The following MAGI1 variants were observed in gnomAD, a reference collection of about 807,000 sequenced individuals.
The protein encoded by MAGI1 is membrane associated guanylate kinase, WW and PDZ domain containing 1.
MAGI1 carries 58 observed loss-of-function variants against 139.9 expected under a neutral mutation model. The ratio of observed to expected loss-of-function variants is 0.41; its 90% CI spans 0.34 to 0.52. The LOEUF (loss-of-function observed/expected upper bound fraction) is 0.52, where lower values mean the gene tolerates loss of function less well. Ranked by LOEUF, MAGI1 falls within the 20% of genes least tolerant of loss-of-function variation. MAGI1 has a pLI of 0.12. For missense variants in MAGI1, 1,874 were observed against 1,901.6 expected (o/e 0.99, Z 0.27); for synonymous variants, 812 against 737.9 (o/e 1.10, Z -1.63).
chr3:65,873,356 C>T (rs1242283663), intron 1 of MAGI1: 3 of 152,256 alleles, frequency 2.0e-5, no homozygotes, highest in Admixed American at 1.3e-4. Flanking sequence ...TCGTCCACAG[C>T]TGAGCTGCTT....
chr3:65,727,105 A>G (rs555949146), intron 1 of MAGI1, among the ~76,000 whole-genome samples: 1 of 152,338 alleles, frequency 6.6e-6, no homozygotes, highest in Non-Finnish European at 1.5e-5. Context: ...CTGTGGCCAA[A>G]TATGTGTAGG....
intron 2 of MAGI1, among the ~76,000 whole-genome samples, chr3:65,611,460 C>T (rs2083105941): frequency 6.9e-6 from 1 of 144,228 alleles, no homozygotes; most frequent in Non-Finnish European, 1.5e-5. Context: ...ACTGTTTATA[C>T]TGTATATATA....
chr3:65,552,386 A>G (rs1487141392), intron 2 of MAGI1, among the ~76,000 whole-genome samples: 8 of 152,208 alleles, frequency 5.3e-5, no homozygotes, highest in Non-Finnish European at 1.0e-4. Flanking sequence ...ACAGTGATTT[A>G]GAGAAAAAAG....
intron 3 of MAGI1, among the ~76,000 whole-genome samples, chr3:65,493,017 A>G (rs901902891): frequency 8.6e-5 from 13 of 150,898 alleles, no homozygotes; most frequent in South Asian, 2.1e-4. Flanking sequence ...GGCAGAGCTT[A>G]CAGTGAGCCA....
chr3:65,915,741 G>A (rs1158822725), intron 1 of MAGI1, among the ~76,000 whole-genome samples: 2 of 151,812 alleles, frequency 1.3e-5, no homozygotes, highest in Non-Finnish European at 2.9e-5. Context: ...CTCTTTGCTT[G>A]GTAAAATGAT....
At position 65,356,983 on chromosome 3, in the gene MAGI1, G is replaced by A. The variant is rs2106675588; in HGVS notation, c.3784C>T (p.His1262Tyr). 1 of 1,614,188 alleles carries A rather than the reference G, an allele frequency of 6.2e-7. No homozygotes were observed. Among genetic ancestry groups the A allele is most frequent in the Non-Finnish European group, 8.5e-7 (1 of 1,180,034 alleles). Reference sequence around the variant, plus strand: ...CTGCTGCCTTTCGGATCCCTTGCGTGTGCCCGCTTTTCCCCATGTGGTGAT... The same window carrying A: ...CTGCTGCCTTTCGGATCCCTTGCGTATGCCCGCTTTTCCCCATGTGGTGAT... ...KSSPHGEKRA[H>Y]ARDPKGSREY... The change falls in exon 23 of 23, where the codon CAC (histidine) becomes TAC (tyrosine). Residue 1262 changes from histidine (H) to tyrosine (Y), a missense_variant. Around this residue, in one of 5 missense-constraint regions of MAGI1, gnomAD observed 653 missense variants for 644.5 expected, o/e 1.01. Transcript: ENST00000402939.
chr3:65,578,071 C>T (rs960962554), intron 2 of MAGI1, among the ~76,000 whole-genome samples: 4 of 152,320 alleles, frequency 2.6e-5, no homozygotes, highest in East Asian at 3.9e-4. Context: ...GAGCGACTGA[C>T]GGGTTCTGCC....
intron 1 of MAGI1, among the ~76,000 whole-genome samples, chr3:65,683,133 C>A (rs1174865865): frequency 6.6e-6 from 1 of 152,116 alleles, no homozygotes; most frequent in African/African-American, 2.4e-5. Context: ...AGCTGTGCAG[C>A]CCAGTTCCTA....
chr3:65,388,941 C>G (rs1186244706), intron 14 of MAGI1, among the ~76,000 whole-genome samples: 3 of 139,732 alleles, frequency 2.1e-5, no homozygotes, highest in African/African-American at 8.0e-5. Context: ...CTCCCAGGTT[C>G]CAGTGATGCC....
chr3:65,458,719 C>G (rs1402762779), intron 5 of MAGI1, among the ~76,000 whole-genome samples: 1 of 152,106 alleles, frequency 6.6e-6, no homozygotes, highest in African/African-American at 2.4e-5. Context: ...AATCCCTTGT[C>G]AGATGGACAG....
chr3:65,711,941 A>G (rs1576839834), intron 1 of MAGI1, among the ~76,000 whole-genome samples: 1 of 152,268 alleles, frequency 6.6e-6, no homozygotes, highest in African/African-American at 2.4e-5. Flanking sequence ...TATCTCCTTC[A>G]GAACCCTTAC....
At position 65,963,313 on chromosome 3, in the gene MAGI1, T is replaced by TA. The variant is rs760893715; in HGVS notation, c.313+74682dup. Among the ~76,000 whole-genome samples the TA allele has an allele frequency of 6.3e-3, 657 of 104,184 alleles. 18 individuals carry two copies. Among genetic ancestry groups the TA allele is most frequent in the African/African-American group, 0.011 (237 of 22,188 alleles). The allele number at this position is 104,184 out of a possible 152,430, so 68.3% of individuals were successfully genotyped here. ...GTCAACAGAGCGAGACTCTGTCTCT[T>TA]AAAAAAAAAAAAAAAGTAGCTCGGC... On this transcript the variant is annotated intron_variant, in intron 1 of 22. Transcript: ENST00000402939.
At chr3:65,799,199 T>C (rs1237683639) in intron 1 of MAGI1, among the ~76,000 whole-genome samples, 1 of 152,228 alleles carries the variant, frequency 6.6e-6, no homozygotes, top group Non-Finnish European at 1.5e-5. Context: ...AAATTCGTGC[T>C]ACTTTTCTGT....
chr3:65,356,948 G>C lies in MAGI1; in HGVS notation c.3819C>G (p.Ser1273Arg). Residue 1273 changes from serine (S) to arginine (R), a missense_variant, in exon 23 of 23, where the codon AGC becomes AGG. Ser to Arg is a moderately radical substitution (Grantham distance 110). Around this residue, in one of 5 missense-constraint regions of MAGI1, gnomAD observed 653 missense variants for 644.5 expected, o/e 1.01. Transcript: ENST00000402939. ...AGGTGTGGTGTTCATTGGGTTGTCT[G>C]CTATACTCTCTGCTGCCTTTCGGAT... ...ARDPKGSREY[S>R]RQPNEHHTWN... The C allele has an allele frequency of 6.2e-7, 1 of 1,614,184 alleles. No homozygotes were observed. Among genetic ancestry groups the C allele is most frequent in the African/African-American group, 1.3e-5 (1 of 75,054 alleles).
chr3:65,381,927 G>A lies in MAGI1; in HGVS notation c.2651C>T (p.Ala884Val). 1 of 1,614,060 alleles carries A rather than the reference G, an allele frequency of 6.2e-7. No individual in the cohort carries two copies. The highest frequency in any genetic ancestry group is 8.5e-7 in the Non-Finnish European group (1 of 1,180,012). The change falls in exon 16 of 23, where the codon GCC (alanine) becomes GTC (valine). Residue 884 changes from alanine to valine, a missense_variant. Ala to Val is a moderately conservative substitution (Grantham distance 64). Transcript: ENST00000402939. ...CGTGAGATTGACGTGGCCTTGCTTG[G>A]CAGCTTGTTGCATAAGCTGGACCAC... ...QLVVQLMQQA[A>V]KQGHVNLTVR...
intron 1 of MAGI1, among the ~76,000 whole-genome samples, chr3:65,652,118 G>A (rs533181286): frequency 2.6e-5 from 4 of 151,992 alleles, no homozygotes; most frequent in Admixed American, 2.0e-4. Flanking sequence ...TTTTATTATC[G>A]TGTCTAGACT....
chr3:66,020,266 A>G (rs188279601), intron 1 of MAGI1, among the ~76,000 whole-genome samples: 114 of 152,252 alleles, frequency 7.5e-4, no homozygotes, highest in Middle Eastern at 6.8e-3. Flanking sequence ...GTGAAACTCC[A>G]TCTCTATTAA....
chr3:65,390,134 A>T (rs903464485), intron 14 of MAGI1, among the ~76,000 whole-genome samples: 38 of 152,112 alleles, frequency 2.5e-4, no homozygotes, highest in African/African-American at 8.5e-4. Context: ...CACACCTCAC[A>T]CAACCTCTCT....
chr3:65,999,430 A>G (rs554083959), intron 1 of MAGI1, among the ~76,000 whole-genome samples: 1 of 152,222 alleles, frequency 6.6e-6, no homozygotes, highest in Admixed American at 6.5e-5. Context: ...AAAATTTCAC[A>G]TGTATAAATG....
Sources: allele counts gnomAD v4.1 joint callset (sites outside exome capture counted in the v4.1 genomes callset), GRCh38; gene constraint gnomAD v4.1.1; regional missense constraint gnomAD v4.1.1; transcripts MANE v1.5; gene names NCBI Gene and HGNC (gene_info 2026-07-23, HGNC 2026-07-21).